The following ERMP1 variants were observed in gnomAD, a reference collection of about 807,000 sequenced individuals.
ERMP1 encodes Felix-ina.
In ERMP1, 86 loss-of-function variants were observed where a neutral mutation model predicts 92.0. The observed-to-expected ratio is 0.93, with a 90% confidence interval of 0.79 to 1.12. ERMP1 has a LOEUF of 1.12. ERMP1 is among the 50% of genes most tolerant of loss of function. ERMP1 has a pLI of 0.00. For synonymous variants in ERMP1, 530 were observed against 412.8 expected (o/e 1.28, Z -3.44); for missense variants, 1,342 against 1,116.3 (o/e 1.20, Z -2.88).
intron 1 of ERMP1, among the ~76,000 whole-genome samples, chr9:5,831,327 C>T (rs1279083124): frequency 6.6e-6 from 1 of 152,180 alleles, no homozygotes; most frequent in Non-Finnish European, 1.5e-5. Context: ...GACCACTGGC[C>T]AGGCACGGTG....
At chr9:5,789,137 A>G (rs1397618530) in intron 13 of ERMP1, among the ~76,000 whole-genome samples, 1 of 151,930 alleles carries the variant, frequency 6.6e-6, no homozygotes, top group Non-Finnish European at 1.5e-5. Context: ...CAGAAACAAA[A>G]AGAGAGCTGA....
At chr9:5,816,905 T>G (rs1829330853) in intron 4 of ERMP1, among the ~76,000 whole-genome samples, 1 of 151,680 alleles carries the variant, frequency 6.6e-6, no homozygotes, top group South Asian at 2.1e-4. Context: ...ATGCTTTTTT[T>G]TTTTTTTTTT....
chr9:5,821,519 T>C (rs1484306355), intron 4 of ERMP1, among the ~76,000 whole-genome samples: 1 of 152,232 alleles, frequency 6.6e-6, no homozygotes, highest in Non-Finnish European at 1.5e-5. Context: ...AAATGAGTAC[T>C]TAATAAATGT....
At chr9:5,810,299 G>A in intron 7 of ERMP1, 68 bp from the exon 8 acceptor site, 1 of 1,137,308 alleles carries the variant, frequency 8.8e-7, no homozygotes, top group South Asian at 1.3e-5. Context: ...CCAGTCAGTA[G>A]AGCTAAATGG....
chr9:5,862,018 AGTAT>A (rs767133821), intron 5 of ERMP1, among the ~76,000 whole-genome samples: 3 of 151,770 alleles, frequency 2.0e-5, no homozygotes, highest in Admixed American at 6.6e-5. Context: ...TTTTAAAAAA[AGTAT>A]GTATGTATGT....
intron 10 of ERMP1, among the ~76,000 whole-genome samples, chr9:5,803,556 G>C (rs1287104365): frequency 6.6e-6 from 1 of 152,012 alleles, no homozygotes; most frequent in African/African-American, 2.4e-5. Flanking sequence ...GACATCCATA[G>C]CTCCCATTCA....
At position 5,799,205 on chromosome 9, in the gene ERMP1, A is replaced by G. The variant is rs373536177; in HGVS notation, c.2068-197T>C. On this transcript the variant is annotated intron_variant, in intron 11 of 14. Coordinates refer to ENST00000339450, the MANE Select transcript of ERMP1 (RefSeq NM_024896.3). Reference sequence around the variant, plus strand: ...AAATAGATATATAGATTATTGTTTTATTGTATCTTCCAAATATATTTAGGA... The same window carrying G: ...AAATAGATATATAGATTATTGTTTTGTTGTATCTTCCAAATATATTTAGGA... Among the ~76,000 whole-genome samples the G allele has an allele frequency of 5.3e-5, 8 of 152,316 alleles. No individual in the cohort carries two copies. In the East Asian group the frequency reaches 1.2e-3, roughly 22 times the overall value.
intron 10 of ERMP1, among the ~76,000 whole-genome samples, chr9:5,804,132 A>G (rs891953238): frequency 6.6e-6 from 1 of 152,154 alleles, no homozygotes; most frequent in South Asian, 2.1e-4. Flanking sequence ...GAAGAAAAGA[A>G]CTATAATAAA....
At chr9:5,817,625 T>A (rs558787449) in intron 4 of ERMP1, among the ~76,000 whole-genome samples, 1 of 152,240 alleles carries the variant, frequency 6.6e-6, no homozygotes, top group Non-Finnish European at 1.5e-5. Context: ...CTAAATCCTA[T>A]GATGCTTCCA....
chr9:5,815,771 T>C (rs190792650), intron 4 of ERMP1, among the ~76,000 whole-genome samples: 26 of 152,186 alleles, frequency 1.7e-4, no homozygotes, highest in African/African-American at 6.3e-4. Flanking sequence ...ATAAATACCT[T>C]AATCAAACGA....
At chr9:5,844,353 C>A (rs1254744575) in intron 6 of ERMP1, among the ~76,000 whole-genome samples, 1 of 152,220 alleles carries the variant, frequency 6.6e-6, no homozygotes, top group Non-Finnish European at 1.5e-5. Context: ...CAGTTCACTG[C>A]AACCTCTGTC....
chr9:5,860,139 A>AC (rs1830443093), intron 5 of ERMP1, among the ~76,000 whole-genome samples: 1 of 151,254 alleles, frequency 6.6e-6, no homozygotes, highest in South Asian at 2.1e-4. Flanking sequence ...TCTACCAAAA[A>AC]AAAAAAAAAG....
Position 5,810,104 on chromosome 9 carries a change from A to G in ERMP1, c.1455T>C (p.Tyr485=), listed in dbSNP as rs866842048. 15 of 1,613,980 alleles carry G rather than the reference A, an allele frequency of 9.3e-6. No individual in the cohort carries two copies. The Middle Eastern group carries it at 2.3e-3, about 248-fold the overall frequency. The change falls in exon 8 of 15, where the codon TAT becomes TAC. Residue 485 remains tyrosine (Y), a synonymous_variant. Transcript: ENST00000339450. The part of the protein sequence containing the change: ...ISLIGQSLSW[Y]NHFYVSVCLY... ...GACAAACGGAGACATAGAAGTGGTT[A>G]TACCATGAGAGAGACTGTCCAATAA...
intron 13 of ERMP1, among the ~76,000 whole-genome samples, chr9:5,794,664 C>A (rs909046854): frequency 1.5e-4 from 23 of 152,124 alleles, no homozygotes; most frequent in Non-Finnish European, 3.2e-4. Flanking sequence ...TGAACCAATT[C>A]TTTAAAAGAC....
chr9:5,796,655 A>G (rs1036205640), intron 13 of ERMP1, among the ~76,000 whole-genome samples: 3 of 152,238 alleles, frequency 2.0e-5, no homozygotes, highest in Admixed American at 2.0e-4. Context: ...GCTTCCAGCT[A>G]TATGATACCT....
At chr9:5,797,782 T>C in intron 13 of ERMP1, 35 bp downstream of exon 13, 2 of 1,292,834 alleles carry the variant, frequency 1.5e-6, no homozygotes, top group East Asian at 4.7e-5. Flanking sequence ...GTTTAAGAAA[T>C]AAAGGAGGGG....
In ERMP1 at chr9:5,832,719, G is replaced by C. The variant is rs13302671; in HGVS notation, c.309C>G (p.His103Gln). The C allele has an allele frequency of 0.022, 32,311 of 1,489,272 alleles. 402 individuals are homozygous for C. Among genetic ancestry groups the C allele is most frequent in the Middle Eastern group, 0.026 (111 of 4,236 alleles). The allele number at this position is 1,489,272 out of a possible 1,614,324, so 92.3% of individuals were successfully genotyped here. A position where few individuals can be genotyped will look rare whatever the true frequency, so the allele number is the denominator to read the frequency against. ...CTTGGAGCGCGTCGAACTCCCCGCG[G>C]TGTCCAGCGGCCCCGCGTAGCACGA... ...QQLVLRGAAG[H>Q]RGEFDALQAR... The change falls in exon 1 of 15, where the codon CAC becomes CAG. Residue 103 changes from histidine to glutamine, a missense_variant. Physicochemically the swap from His to Gln is conservative, Grantham distance 24. Transcript: ENST00000339450.
At chr9:5,864,607 G>C (rs753592917) in intron 5 of ERMP1, among the ~76,000 whole-genome samples, 5 of 152,192 alleles carry the variant, frequency 3.3e-5, no homozygotes, top group Non-Finnish European at 7.4e-5. Context: ...TTCCTCAGGG[G>C]GTGGTAGAGA....
intron 8 of ERMP1, among the ~76,000 whole-genome samples, chr9:5,809,238 T>C (rs918200189): frequency 3.3e-5 from 5 of 151,296 alleles, no homozygotes; most frequent in African/African-American, 4.9e-5. Flanking sequence ...GCCAGGATGG[T>C]CTCGATCTCC....
Sources: gnomAD v4.1 joint callset for allele counts (sites outside exome capture counted in the v4.1 genomes callset) on GRCh38, gnomAD v4.1.1 for gene constraint, MANE v1.5 for transcripts, NCBI Gene and HGNC (gene_info 2026-07-23, HGNC 2026-07-21) for gene names.